TBC1D12: variants seen among roughly 807,000 people sequenced by gnomAD.
TBC1D12 encodes the protein TBC1 domain family, member 12.
In TBC1D12, 56 loss-of-function variants were observed where a neutral mutation model predicts 86.7. The observed-to-expected ratio is 0.65, with a 90% CI of 0.52 to 0.81. TBC1D12 has a LOEUF of 0.81. Among genes scored for constraint, TBC1D12 ranks in the 30% least tolerant of loss-of-function variants. The pLI is 0.00. For synonymous variants in TBC1D12, 421 were observed against 411.7 expected (o/e 1.02, Z -0.27); for missense variants, 1,023 against 1,038.8 (o/e 0.98, Z 0.21).
At chr10:94,442,179 A>G (rs1439603239) in intron 2 of TBC1D12, among the ~76,000 whole-genome samples, 160 bp downstream of exon 2, 1 of 151,506 alleles carries the variant, frequency 6.6e-6, no homozygotes, top group African/African-American at 2.4e-5. Context: ...GGGACCTGCT[A>G]AATTTTCTAG....
chr10:94,519,808 C>T (rs1488732380), intron 9 of TBC1D12, among the ~76,000 whole-genome samples: 1 of 152,196 alleles, frequency 6.6e-6, no homozygotes, highest in Non-Finnish European at 1.5e-5. Flanking sequence ...CTTCTTCTTT[C>T]ACTTATAAGG....
chr10:94,404,272 A>G (rs77496076), intron 1 of TBC1D12, among the ~76,000 whole-genome samples: 2,073 of 152,322 alleles, frequency 0.014, 39 homozygotes, highest in East Asian at 0.062. Context: ...CTCCCAGATA[A>G]GCCTCTCCTT....
chr10:94,416,585 T>C (rs954968279), intron 1 of TBC1D12, among the ~76,000 whole-genome samples: 1 of 152,206 alleles, frequency 6.6e-6, no homozygotes, highest in Non-Finnish European at 1.5e-5. Context: ...CAGCAAATTA[T>C]TGTGAGTCCT....
intron 1 of TBC1D12, among the ~76,000 whole-genome samples, chr10:94,417,750 C>CTTT (rs35840263): frequency 1.5e-5 from 2 of 131,736 alleles, no homozygotes; most frequent in Non-Finnish European, 1.6e-5. Context: ...GTCTCTTCTT[C>CTTT]TTTTTTTTTT....
chr10:94,507,545 A>G (rs905274625), intron 7 of TBC1D12, among the ~76,000 whole-genome samples, 198 bp downstream of exon 7: 3 of 152,214 alleles, frequency 2.0e-5, no homozygotes, highest in Admixed American at 1.3e-4. Context: ...TATGTCAGCT[A>G]TTTGTGGAGA....
In TBC1D12 at chr10:94,442,019, GGTAA is replaced by G. The variant is rs778780474; in HGVS notation, c.1095+4_1095+7del. On this transcript the variant is annotated splice_donor_variant and splice_donor_region_variant and intron_variant, in intron 2 of 12. Coordinates refer to ENST00000225235, the MANE Select transcript of TBC1D12 (RefSeq NM_015188.2). LOFTEE classifies it high-confidence loss of function. ...AGAAAACATCCAAAATCATTCAGCAGGTAAGTACTGACATAGCCATGTAGTTTAC... is the reference window on the plus strand; with the variant it reads ...AGAAAACATCCAAAATCATTCAGCAGGTACTGACATAGCCATGTAGTTTAC... 1.2e-6 allele frequency: 2 copies of G among 1,610,758 alleles called. No homozygotes were observed. The highest frequency in any genetic ancestry group is 1.7e-6 in the Non-Finnish European group (2 of 1,178,874).
At chr10:94,419,634 A>C (rs1197538159) in intron 1 of TBC1D12, among the ~76,000 whole-genome samples, 2 of 152,106 alleles carry the variant, frequency 1.3e-5, no homozygotes, top group East Asian at 1.9e-4. Flanking sequence ...GCGCCACTGC[A>C]CTCTAGCCTG....
chr10:94,425,120 A>T (rs1219653011), intron 1 of TBC1D12, among the ~76,000 whole-genome samples: 1 of 152,208 alleles, frequency 6.6e-6, no homozygotes, highest in Non-Finnish European at 1.5e-5. Flanking sequence ...GCAAGCAAGA[A>T]TTACTCCTCT....
intron 1 of TBC1D12, among the ~76,000 whole-genome samples, chr10:94,427,946 A>G (rs756556158): frequency 2.0e-5 from 3 of 152,098 alleles, no homozygotes; most frequent in African/African-American, 4.8e-5. Context: ...ACTTGCTAAC[A>G]TGAGTACACT....
chr10:94,460,015 G>A (rs372916080), intron 2 of TBC1D12, among the ~76,000 whole-genome samples: 141 of 152,272 alleles, frequency 9.3e-4, no homozygotes, highest in African/African-American at 3.2e-3. Flanking sequence ...AGGAGGCACC[G>A]AGAGTGAGCA....
intron 2 of TBC1D12, among the ~76,000 whole-genome samples, chr10:94,445,745 C>T (rs1481118842): frequency 2.6e-5 from 4 of 152,006 alleles, no homozygotes; most frequent in South Asian, 2.1e-4. Flanking sequence ...GTCAGGAGTT[C>T]GAGACCCGTC....
At chr10:94,445,497 C>T (rs1415397418) in intron 2 of TBC1D12, among the ~76,000 whole-genome samples, 1 of 152,136 alleles carries the variant, frequency 6.6e-6, no homozygotes, top group African/African-American at 2.4e-5. Context: ...CTTTAACTGA[C>T]GATTATTTCT....
At chr10:94,438,214 G>A (rs1157835074) in intron 1 of TBC1D12, among the ~76,000 whole-genome samples, 1 of 151,614 alleles carries the variant, frequency 6.6e-6, no homozygotes, top group East Asian at 1.9e-4. Context: ...CCACTCCTCA[G>A]TGATTGCTGT....
At chr10:94,507,978 C>T (rs1327888406) in intron 7 of TBC1D12, among the ~76,000 whole-genome samples, 2 of 152,086 alleles carry the variant, frequency 1.3e-5, no homozygotes, top group East Asian at 3.9e-4. Flanking sequence ...CAGACTTCAT[C>T]TCCAAAGAAA....
chr10:94,503,377 T>A (rs1035816195), intron 6 of TBC1D12, among the ~76,000 whole-genome samples: 2 of 152,206 alleles, frequency 1.3e-5, no homozygotes, highest in Non-Finnish European at 2.9e-5. Flanking sequence ...AACCTTTGAC[T>A]GTTTATTTCA....
intron 2 of TBC1D12, among the ~76,000 whole-genome samples, chr10:94,450,563 G>A (rs952845711): frequency 6.6e-6 from 1 of 152,088 alleles, no homozygotes; most frequent in Non-Finnish European, 1.5e-5. Context: ...TTTAAATGAG[G>A]TACTGAGATA....
intron 2 of TBC1D12, among the ~76,000 whole-genome samples, chr10:94,453,278 T>C (rs2055579358): frequency 6.6e-6 from 1 of 152,190 alleles, no homozygotes; most frequent in Non-Finnish European, 1.5e-5. Context: ...TCAATTATAG[T>C]AGTCTCCCCT....
chr10:94,483,408 G>T (rs1274302325), intron 3 of TBC1D12, among the ~76,000 whole-genome samples: 1 of 151,952 alleles, frequency 6.6e-6, no homozygotes, highest in Non-Finnish European at 1.5e-5. Context: ...TTTTCCCCAT[G>T]TCCTCTTCAG....
chr10:94,403,431 C>A lies in TBC1D12; in HGVS notation c.818C>A (p.Ser273Tyr), dbSNP rs771716721. The change falls in exon 1 of 13, where the codon TCT becomes TAT. Residue 273 changes from serine to tyrosine, a missense_variant. This residue lies in a region of TBC1D12 where 628 missense variants were observed against 531.1 expected (regional missense o/e 1.18). Transcript: ENST00000225235. The part of the protein sequence containing the change: ...RLGFSDIHFN[S>Y]RNTFQVSRGQ... ...GGCTTTTCTGACATTCACTTCAACT[C>A]TCGCAACACGTTCCAGGTGAGCCGC... 1.6e-5 allele frequency: 25 copies of A among 1,549,716 alleles called. No homozygotes were observed. The highest frequency in any genetic ancestry group is 2.5e-5 in the East Asian group (1 of 40,286).
Sources: allele counts gnomAD v4.1 joint callset (sites outside exome capture counted in the v4.1 genomes callset), GRCh38; gene constraint gnomAD v4.1.1; regional missense constraint gnomAD v4.1.1; transcripts MANE v1.5; gene names NCBI Gene and HGNC (gene_info 2026-07-23, HGNC 2026-07-21).